The following LRRC43 variants were observed in gnomAD, a reference collection of about 807,000 sequenced individuals.
The protein encoded by LRRC43 is leucine rich repeat containing 43.
In LRRC43, 62 loss-of-function variants were observed where a neutral mutation model predicts 64.3. The observed-to-expected ratio is 0.96, with a 90% CI of 0.79 to 1.19. LRRC43 has a LOEUF of 1.19. LRRC43 is among the 50% of genes most tolerant of loss of function. The pLI, the probability that LRRC43 is intolerant of heterozygous loss-of-function variation, is 0.00. For missense variants in LRRC43, 868 were observed against 845.0 expected (o/e 1.03, Z -0.34); for synonymous variants, 422 against 382.3 (o/e 1.10, Z -1.21).
rs1953827139 is a variant in LRRC43, at chr12:122,200,718, C to T, written c.1621-28C>T. On this transcript the variant is annotated intron_variant, in intron 9 of 11. Transcript: ENST00000339777. The surrounding 1 kb of genome is among the most constrained non-coding windows in gnomAD (Gnocchi z 4.6). ...GGCCACACCCTTGCTTCAACTTGTC[C>T]CACCCTCCTGTCCTCCCGTCGTCGC... is the stretch of plus-strand genomic sequence containing the variant. 1.2e-6 allele frequency: 2 copies of T among 1,612,940 alleles called. No homozygotes were observed. Among genetic ancestry groups the T allele is most frequent in the Admixed American group, 1.7e-5 (1 of 59,976 alleles).
chr12:122,193,241 C>T (rs527839400), intron 7 of LRRC43, among the ~76,000 whole-genome samples: 7 of 151,712 alleles, frequency 4.6e-5, no homozygotes, highest in Non-Finnish European at 8.8e-5. Flanking sequence ...ATTAGCCAGG[C>T]GTGGTGGCAG....
Position 122,184,481 on chromosome 12 carries a change from T to A in LRRC43, c.151-38T>A. 6.2e-7 allele frequency: 1 copy of A among 1,605,170 alleles called. No homozygotes were observed. Among genetic ancestry groups the A allele is most frequent in the South Asian group, 1.1e-5 (1 of 89,620 alleles). ...GAGTTTGGTGTCCTTAAGGGGGCTG[T>A]GTCACACCTACAGAAAATCCCTCCT... On this transcript the variant is annotated intron_variant, in intron 1 of 11. Coordinates refer to ENST00000339777, the MANE Select transcript of LRRC43 (RefSeq NM_001098519.2). This position sits in a 1 kb window ranked among gnomAD's most constrained non-coding sequence, Gnocchi z 4.0.
intron 4 of LRRC43, among the ~76,000 whole-genome samples, chr12:122,188,300 G>C (rs1953671437): frequency 6.6e-6 from 1 of 151,800 alleles, no homozygotes; most frequent in Admixed American, 6.6e-5. Flanking sequence ...GTAGAGACGG[G>C]GTTTCACTGT....
At chr12:122,186,812 G>A (rs1399070489) in intron 3 of LRRC43, among the ~76,000 whole-genome samples, 6 of 152,172 alleles carry the variant, frequency 3.9e-5, no homozygotes, top group Admixed American at 6.5e-5. Flanking sequence ...CCAGCTGCTT[G>A]GGAGGCTGAG....
intron 7 of LRRC43, among the ~76,000 whole-genome samples, chr12:122,196,436 G>C (rs888478725): frequency 6.6e-6 from 1 of 152,116 alleles, no homozygotes; most frequent in Non-Finnish European, 1.5e-5. Flanking sequence ...GTGATGCCAG[G>C]TATCGGGATT....
Position 122,200,412 on chromosome 12 carries a change from G to A in LRRC43, c.1491+82G>A, listed in dbSNP as rs912773933. 3.1e-6 allele frequency: 5 copies of A among 1,608,770 alleles called. No individual in the cohort carries two copies. In the African/African-American group the frequency reaches 6.7e-5, roughly 22 times the overall value. On this transcript the variant is annotated intron_variant, in intron 8 of 11. Transcript: ENST00000339777. This position sits in a 1 kb window ranked among gnomAD's most constrained non-coding sequence, Gnocchi z 4.6. Reference sequence around the variant, plus strand: ...CTGTTCCCATCGGGCTGTCCCCCATGGGAGCCGCACTCCCTGGTTAGATGA... The same window carrying A: ...CTGTTCCCATCGGGCTGTCCCCCATAGGAGCCGCACTCCCTGGTTAGATGA...
At chr12:122,202,819 C>A (rs1366213788) in intron 11 of LRRC43, among the ~76,000 whole-genome samples, 3 of 152,118 alleles carry the variant, frequency 2.0e-5, no homozygotes, top group Non-Finnish European at 4.4e-5. Flanking sequence ...CAGCTGGGCT[C>A]GGTAGTGTAC....
chr12:122,186,396 G>A (rs1489977318), intron 3 of LRRC43, 96 bp downstream of exon 3: 6 of 752,728 alleles, frequency 8.0e-6, no homozygotes, highest in Non-Finnish European at 1.1e-5. Flanking sequence ...CATGGGTGGA[G>A]GGTAAGGCCC....
upstream of LRRC43, among the ~76,000 whole-genome samples, chr12:122,180,597 A>C (rs1235129225): frequency 6.6e-6 from 1 of 152,152 alleles, no homozygotes; most frequent in Non-Finnish European, 1.5e-5. Flanking sequence ...GAAAAGAGAC[A>C]GTGTTGGCTG....
At position 122,203,452 on chromosome 12, in the gene LRRC43, A is replaced by C. The variant is rs758119374; in HGVS notation, c.*10A>C. The C allele has an allele frequency of 3.1e-6, 5 of 1,605,494 alleles. No homozygotes were observed. The highest frequency in any genetic ancestry group is 4.5e-5 in the East Asian group (2 of 44,650). ...CATGTTCGCCGTGTAGGGCGTGGGC[A>C]GTAAAGGCTGTTCCCAGCACTCCCG... On this transcript the variant is annotated 3_prime_UTR_variant, in exon 12 of 12. Coordinates refer to ENST00000339777, the MANE Select transcript of LRRC43 (RefSeq NM_001098519.2).
chr12:122,180,745 C>T (rs1013568419), upstream of LRRC43, among the ~76,000 whole-genome samples: 9 of 152,092 alleles, frequency 5.9e-5, no homozygotes, highest in African/African-American at 1.2e-4. Context: ...ACACAGTAGA[C>T]GCCCATTGGC....
At chr12:122,203,119 CA>C (rs1288267531) in intron 11 of LRRC43, among the ~76,000 whole-genome samples, 195 bp from the exon 12 acceptor site, 1 of 152,180 alleles carries the variant, frequency 6.6e-6, no homozygotes, top group Non-Finnish European at 1.5e-5. Flanking sequence ...TCTTGCAACT[CA>C]AACAGCTGCG....
In LRRC43 at chr12:122,200,711, A is replaced by G. The variant is rs780960789; in HGVS notation, c.1621-35A>G. 12 of 1,613,130 alleles carry G rather than the reference A, an allele frequency of 7.4e-6. No homozygotes were observed. The highest frequency in any genetic ancestry group is 1.0e-5 in the Non-Finnish European group (12 of 1,179,880). On this transcript the variant is annotated intron_variant, in intron 9 of 11. Coordinates refer to ENST00000339777, the MANE Select transcript of LRRC43 (RefSeq NM_001098519.2). The surrounding 1 kb of genome is among the most constrained non-coding windows in gnomAD (Gnocchi z 4.6). ...GCAGCCTGGCCACACCCTTGCTTCA[A>G]CTTGTCCCACCCTCCTGTCCTCCCG...
intron 6 of LRRC43, 41 bp from the exon 7 acceptor site, chr12:122,192,704 G>A (rs919414883): frequency 1.9e-6 from 3 of 1,603,772 alleles, no homozygotes; most frequent in Admixed American, 1.7e-5. Context: ...AGCACATCCT[G>A]AAGACGGCAG....
chr12:122,193,878 C>T (rs917139714), intron 7 of LRRC43, among the ~76,000 whole-genome samples: 5 of 152,098 alleles, frequency 3.3e-5, no homozygotes, highest in African/African-American at 7.2e-5. Flanking sequence ...TTGAGTCGAT[C>T]GAGACATGAT....
chr12:122,192,602 G>A (rs903562879), intron 6 of LRRC43, 143 bp from the exon 7 acceptor site: 16 of 874,228 alleles, frequency 1.8e-5, no homozygotes, highest in East Asian at 2.5e-5. Flanking sequence ...GTTTCTAAGC[G>A]CCTTCCTGCC....
upstream of LRRC43, among the ~76,000 whole-genome samples, chr12:122,179,176 C>T (rs1288984081): frequency 6.6e-6 from 1 of 152,116 alleles, no homozygotes; most frequent in Non-Finnish European, 1.5e-5. Context: ...CTCACTGCAG[C>T]CTCAAACTCC....
chr12:122,199,112 G>A (rs903724057), intron 7 of LRRC43, among the ~76,000 whole-genome samples: 2 of 151,126 alleles, frequency 1.3e-5, no homozygotes, highest in South Asian at 2.1e-4. Flanking sequence ...ATTTGTTGGA[G>A]TATATTATTA....
Position 122,172,223 on chromosome 12 carries a change from C to T in LRRC43, c.-406+4441C>T, listed in dbSNP as rs1192374862. 9.0e-6 allele frequency: 5 copies of T among 557,386 alleles called. No homozygotes were observed. In the East Asian group the frequency reaches 1.5e-4, roughly 17 times the overall value. 34.5% of individuals were successfully genotyped at this position (557,386 alleles called of 1,614,324 possible). ...AAATACCAAGACTAATAACAATAAC[C>T]TAATGTTTTTCAAGGTAATTCACAA... On this transcript the variant is annotated intron_variant, in intron 1 of 5. Coordinates refer to the LRRC43 transcript ENST00000537729.
Sources: gnomAD v4.1 joint callset for allele counts (sites outside exome capture counted in the v4.1 genomes callset) on GRCh38, gnomAD v4.1.1 for gene constraint, Gnocchi (gnomAD v3.1) non-coding constraint, MANE v1.5 for transcripts, NCBI Gene and HGNC (gene_info 2026-07-23, HGNC 2026-07-21) for gene names.